EBF1: variants seen among roughly 807,000 people sequenced by gnomAD.
EBF1 encodes transcription factor COE1.
Under a neutral mutation model 68.4 loss-of-function variants are expected in EBF1, and 10 were observed. The observed-to-expected ratio is 0.15, with a 90% confidence interval of 0.09 to 0.25. The LOEUF (loss-of-function observed/expected upper bound fraction) is 0.25. Among genes scored for constraint, EBF1 ranks in the 10% least tolerant of loss-of-function variants. The probability of loss-of-function intolerance (pLI) is 1.00; values close to 1 mark genes in which losing one functional copy is unlikely to be tolerated. For missense variants in EBF1, 509 were observed against 794.4 expected (o/e 0.64, Z 4.32); for synonymous variants, 298 against 299.8 (o/e 0.99, Z 0.06).
In EBF1 at chr5:158,707,972, G is replaced by A; in HGVS notation, c.1744+7C>T. On this transcript the variant is annotated splice_region_variant and intron_variant, in intron 15 of 15. Coordinates refer to ENST00000313708, the MANE Select transcript of EBF1 (RefSeq NM_024007.5). ...ATCTGGATTGGCAGGTGGGGCCTGG[G>A]GCTTACCTTGCAGGCTGTTCCCGTT... 6.5e-7 allele frequency: 1 copy of A among 1,548,428 alleles called. No individual in the cohort carries two copies. The highest frequency in any genetic ancestry group is 8.7e-7 in the Non-Finnish European group (1 of 1,145,706).
intron 6 of EBF1, among the ~76,000 whole-genome samples, chr5:159,057,841 C>T (rs1301784105): frequency 6.6e-6 from 1 of 152,114 alleles, no homozygotes; most frequent in Non-Finnish European, 1.5e-5. Context: ...TATGTATTAG[C>T]GTTCTTAAGC....
At chr5:158,837,756 T>G (rs899793672) in intron 7 of EBF1, among the ~76,000 whole-genome samples, 12 of 152,172 alleles carry the variant, frequency 7.9e-5, no homozygotes, top group African/African-American at 2.9e-4. Flanking sequence ...ACACGGATGC[T>G]CTTTTAGGTT....
chr5:158,750,554 T>A (rs1768598025), intron 10 of EBF1, among the ~76,000 whole-genome samples: 1 of 152,088 alleles, frequency 6.6e-6, no homozygotes, highest in African/African-American at 2.4e-5. Flanking sequence ...CATTAAAAAG[T>A]ATGGCTGATT....
chr5:158,712,853 T>A (rs1046966795), intron 13 of EBF1, 117 bp downstream of exon 13: 1 of 1,052,248 alleles, frequency 9.5e-7, no homozygotes, highest in Non-Finnish European at 1.3e-6. Flanking sequence ...ACACATAAAC[T>A]AAGAATCTCC....
At position 158,698,663 on chromosome 5, in the gene EBF1, C is replaced by CTTTTTTTTTTTTTTTTTTTTTTT; in HGVS notation, c.*447_*448insAAAAAAAAAAAAAAAAAAAAAAA. The CTTTTTTTTTTTTTTTTTTTTTTT allele has an allele frequency of 6.6e-6, 1 of 151,348 alleles. No individual in the cohort carries two copies. The highest frequency in any genetic ancestry group is 1.3e-5 in the Non-Finnish European group (1 of 74,114). 9.4% of individuals were successfully genotyped at this position (151,348 alleles called of 1,614,324 possible). A position where few individuals can be genotyped will look rare whatever the true frequency, so the allele number is the denominator to read the frequency against. ...AAGCTTTTTTTTTTTTCCTTTTTTTCTTTTTTTTTTTTTTTACTTTTTTGT... is the reference window on the plus strand; with the variant it reads ...AAGCTTTTTTTTTTTTCCTTTTTTTCTTTTTTTTTTTTTTTTTTTTTTTTTTTTTTTTTTTTTTACTTTTTTGT... On this transcript the variant is annotated 3_prime_UTR_variant, in exon 16 of 16. Coordinates refer to ENST00000313708, the MANE Select transcript of EBF1 (RefSeq NM_024007.5).
chr5:159,094,165 C>CAAAAAAAAAAAAAA (rs869228922), intron 4 of EBF1, among the ~76,000 whole-genome samples: 2 of 21,874 alleles, frequency 9.1e-5, no homozygotes, highest in African/African-American at 2.8e-4. Context: ...CCTTGGAAGG[C>CAAAAAAAAAAAAAA]AAAAAAAAAA....
At chr5:158,866,408 C>A (rs187880582) in intron 6 of EBF1, among the ~76,000 whole-genome samples, 1 of 152,172 alleles carries the variant, frequency 6.6e-6, no homozygotes, top group Non-Finnish European at 1.5e-5. Flanking sequence ...CTTGTCACAA[C>A]CCTTCCAGCC....
At chr5:158,810,480 C>T (rs1381159197) in intron 8 of EBF1, among the ~76,000 whole-genome samples, 2 of 152,120 alleles carry the variant, frequency 1.3e-5, no homozygotes, top group African/African-American at 2.4e-5. Context: ...ATTTTTATTA[C>T]TTTGCCCCAA....
chr5:158,903,271 C>G lies in EBF1; in HGVS notation c.555-63161G>C, dbSNP rs1474660994. ...ACTGCCTACATGCATAAACAGCTTT[C>G]TGCATCATTCTTGGGGTATTTTCCA... On this transcript the variant is annotated intron_variant, in intron 6 of 15. Transcript: ENST00000313708. 2.6e-5 allele frequency among the ~76,000 whole-genome samples: 4 copies of G among 152,226 alleles called. No homozygotes were observed. In the East Asian group the frequency reaches 7.7e-4, roughly 29 times the overall value.
chr5:159,074,955 A>G (rs1220570442), intron 5 of EBF1, among the ~76,000 whole-genome samples: 1 of 152,226 alleles, frequency 6.6e-6, no homozygotes, highest in African/African-American at 2.4e-5. Context: ...GGAAAGTACA[A>G]GCAGTTGAAA....
intron 6 of EBF1, among the ~76,000 whole-genome samples, chr5:158,974,987 G>A (rs1756440856): frequency 6.6e-6 from 1 of 152,110 alleles, no homozygotes; most frequent in Admixed American, 6.5e-5. Flanking sequence ...ATGCCATCCA[G>A]AGATGTTAGC....
rs4921243 is a variant in EBF1 at position 159,032,128 on chromosome 5, C to T, written c.554+41268G>A. Among the ~76,000 whole-genome samples, 1,452 of 152,040 alleles carry T rather than the reference C, an allele frequency of 9.6e-3. 35 individuals carry two copies. Among genetic ancestry groups the T allele is most frequent in the East Asian group, 0.06 (312 of 5,182 alleles). On this transcript the variant is annotated intron_variant, in intron 6 of 15. Coordinates refer to ENST00000313708, the MANE Select transcript of EBF1 (RefSeq NM_024007.5). Reference sequence around the variant, plus strand: ...TCAATATCAACAGGTGTAACAAATGCCCTGTTTAATTTTCTGAAGAATAAC... The same window carrying T: ...TCAATATCAACAGGTGTAACAAATGTCCTGTTTAATTTTCTGAAGAATAAC...
intron 6 of EBF1, among the ~76,000 whole-genome samples, chr5:158,934,575 T>C (rs933124553): frequency 6.6e-6 from 1 of 152,220 alleles, no homozygotes; most frequent in African/African-American, 2.4e-5. Context: ...CAGACAGACC[T>C]TGCAATGGGC....
At chr5:159,077,204 G>A in intron 5 of EBF1, among the ~76,000 whole-genome samples, 1 of 152,204 alleles carries the variant, frequency 6.6e-6, no homozygotes, top group East Asian at 1.9e-4. Flanking sequence ...GGAGGCCAAG[G>A]TGGGTAGATC....
chr5:158,811,422 A>G (rs1782639297), intron 8 of EBF1, among the ~76,000 whole-genome samples: 1 of 152,222 alleles, frequency 6.6e-6, no homozygotes, highest in Non-Finnish European at 1.5e-5. Context: ...AAGAAAAAAC[A>G]GTGGTGAGGA....
At chr5:158,965,086 T>G (rs564238530) in intron 6 of EBF1, among the ~76,000 whole-genome samples, 1 of 152,224 alleles carries the variant, frequency 6.6e-6, no homozygotes, top group African/African-American at 2.4e-5. Context: ...CTTTACTTTT[T>G]AGCTCTGGTT....
chr5:159,077,278 T>C (rs1275397448), intron 5 of EBF1, among the ~76,000 whole-genome samples: 1 of 152,056 alleles, frequency 6.6e-6, no homozygotes, highest in African/African-American at 2.4e-5. Context: ...CTAATAAAAA[T>C]TTTTAAAAAA....
intron 10 of EBF1, among the ~76,000 whole-genome samples, chr5:158,769,164 T>C (rs140631566): frequency 0.014 from 2,180 of 152,314 alleles, 24 homozygotes; most frequent in Non-Finnish European, 0.025. Context: ...TTCTTCCTAC[T>C]GTACGGTTTC....
At chr5:158,958,484 G>A (rs2127527093) in intron 6 of EBF1, among the ~76,000 whole-genome samples, 1 of 152,198 alleles carries the variant, frequency 6.6e-6, no homozygotes, top group South Asian at 2.1e-4. Context: ...TCAAAAACAT[G>A]ATGACAGCTG....
Sources: allele counts gnomAD v4.1 joint callset (sites outside exome capture counted in the v4.1 genomes callset), GRCh38; gene constraint gnomAD v4.1.1; transcripts MANE v1.5; gene names NCBI Gene and HGNC (gene_info 2026-07-23, HGNC 2026-07-21).